Variants in ATP13A2 observed in about 807,000 individuals in gnomAD.
The protein encoded by ATP13A2 is ATPase cation transporting 13A2, also known as polyamine-transporting ATPase 13A2.
A neutral mutation model predicts 138.3 loss-of-function variants in ATP13A2; 83 were observed. That is an observed-to-expected ratio of 0.60 (90% CI 0.50 to 0.72). ATP13A2 has a LOEUF of 0.72. ATP13A2 is among the 30% of genes least tolerant of loss of function. The pLI is 0.00. For missense variants in ATP13A2, 1,402 were observed against 1,606.4 expected, an observed-to-expected ratio of 0.87 and a Z score of 2.17; for synonymous variants, 663 against 699.0, an observed-to-expected ratio of 0.95 and a Z score of 0.81.
Position 16,989,685 on chromosome 1 carries a change from A to T in ATP13A2, c.2609+6T>A. 6.2e-7 allele frequency: 1 copy of T among 1,613,966 alleles called. No homozygotes were observed. The highest frequency in any genetic ancestry group is 8.5e-7 in the Non-Finnish European group (1 of 1,179,982). ...CCCTTGCCCACACCCTCTGCCGAGC[A>T]CTCACTGAAGCTTCTGTAGCTCGCA... is the stretch of plus-strand genomic sequence containing the variant. On this transcript the variant is annotated splice_donor_region_variant and intron_variant, in intron 23 of 28. Transcript: ENST00000326735.
Position 17,000,733 on chromosome 1 carries a change from AG to A in ATP13A2, c.706-200del, listed in dbSNP as rs964068469. The A allele has an allele frequency of 6.1e-4, 414 of 675,728 alleles. No homozygotes were observed. The African/African-American group carries it at 6.7e-3, about 11-fold the overall frequency. 41.9% of individuals were successfully genotyped at this position (675,728 alleles called of 1,614,324 possible). A position where few individuals can be genotyped will look rare whatever the true frequency, so the allele number is the denominator to read the frequency against. The stretch of plus-strand genomic sequence containing the variant: ...CAGTTTCTCCGCTCTAAAGAGGACA[AG>A]GGTTTATGACCAGCCTGGGCAACAT... On this transcript the variant is annotated intron_variant, in intron 8 of 28. Transcript: ENST00000326735.
chr1:17,011,761 C>G lies in ATP13A2; in HGVS notation c.-23G>C, dbSNP rs1231411777. ...CATGCCGGCTCCTCGCGCTCATCGC[C>G]GGCCCCGGCGCTGCGGCCCTCGGCC... On this transcript the variant is annotated 5_prime_UTR_variant, in exon 1 of 29. Coordinates refer to ENST00000326735, the MANE Select transcript of ATP13A2 (RefSeq NM_022089.4). This position sits in a 1 kb window ranked among gnomAD's most constrained non-coding sequence, Gnocchi z 7.3. 1.4e-5 allele frequency: 20 copies of G among 1,442,804 alleles called. No homozygotes were observed. In the Admixed American group the frequency reaches 3.8e-4, roughly 27 times the overall value. The allele number at this position is 1,442,804 out of a possible 1,614,324, so 89.4% of individuals were successfully genotyped here.
intron 6 of ATP13A2, among the ~76,000 whole-genome samples, chr1:17,003,247 C>T (rs371854287): frequency 6.6e-6 from 1 of 152,150 alleles, no homozygotes; most frequent in East Asian, 1.9e-4. Flanking sequence ...TGGGGGTCTG[C>T]TTCTGCGGCA....
At position 17,001,820 on chromosome 1, in the gene ATP13A2, A is replaced by G. The variant is rs182843634; in HGVS notation, c.705+214T>C. ...TCCAATCCCTATGAGTGGGGCCCCAATCTGTGACCCAAGCCTTGGGCAGAA... is the reference window on the plus strand; with the variant it reads ...TCCAATCCCTATGAGTGGGGCCCCAGTCTGTGACCCAAGCCTTGGGCAGAA... On this transcript the variant is annotated intron_variant, in intron 8 of 28. Transcript: ENST00000326735. Among the ~76,000 whole-genome samples, 1,701 of 152,266 alleles carry G rather than the reference A, an allele frequency of 0.011. 51 individuals carry two copies. The highest frequency in any genetic ancestry group is 0.058 in the Admixed American group (885 of 15,294).
Position 17,000,553 on chromosome 1 carries a change from G to A in ATP13A2, c.706-19C>T, listed in dbSNP as rs751717334. On this transcript the variant is annotated intron_variant, in intron 8 of 28. Coordinates refer to ENST00000326735, the MANE Select transcript of ATP13A2 (RefSeq NM_022089.4). ...TCAGTGCCTGGGGGAGGGGCGGGAGGCAGCGTCAGGGCCGCGTCCCCCAGG... is the reference window on the plus strand; with the variant it reads ...TCAGTGCCTGGGGGAGGGGCGGGAGACAGCGTCAGGGCCGCGTCCCCCAGG... 2 of 1,610,810 alleles carry A rather than the reference G, an allele frequency of 1.2e-6. No individual in the cohort carries two copies. Among genetic ancestry groups the A allele is most frequent in the Non-Finnish European group, 1.7e-6 (2 of 1,177,796 alleles).
In ATP13A2 at chr1:17,011,648, C is replaced by T. The variant is rs1168133129; in HGVS notation, c.10+81G>A. The T allele has an allele frequency of 2.8e-6, 4 of 1,422,364 alleles. No homozygotes were observed. The highest frequency in any genetic ancestry group is 3.7e-6 in the Non-Finnish European group (4 of 1,093,536). 88.1% of individuals were successfully genotyped at this position (1,422,364 alleles called of 1,614,324 possible). ...ACCCCGCGGTGGGGGGCGTCGCCTC[C>T]CCTCTCCCTCCAAGGGGTGACGACA... On this transcript the variant is annotated intron_variant, in intron 1 of 28. Coordinates refer to ENST00000326735, the MANE Select transcript of ATP13A2 (RefSeq NM_022089.4). The surrounding 1 kb of genome is among the most constrained non-coding windows in gnomAD (Gnocchi z 7.3).
intron 12 of ATP13A2, 74 bp from the exon 13 acceptor site, chr1:16,996,570 G>A (rs1002072293): frequency 6.7e-5 from 79 of 1,183,986 alleles, no homozygotes; most frequent in Admixed American, 3.2e-4. Flanking sequence ...TAGCCCTCCC[G>A]ACCCGTGCCT....
chr1:16,993,929 T>C (rs2077025873), intron 15 of ATP13A2, 94 bp from the exon 16 acceptor site: 2 of 1,108,660 alleles, frequency 1.8e-6, no homozygotes, highest in South Asian at 3.3e-5. Flanking sequence ...GCGGACCCTA[T>C]GGGAACCCCA....
intron 25 of ATP13A2, 101 bp from the exon 26 acceptor site, chr1:16,987,370 G>A: frequency 2.7e-6 from 3 of 1,127,580 alleles, no homozygotes; most frequent in Non-Finnish European, 2.6e-6. Flanking sequence ...GGAATCTGAT[G>A]GGTAAGGCAT....
rs1017385365 is a variant in ATP13A2, at chr1:16,995,812, G to T, written c.1542+164C>A. The T allele has an allele frequency of 7.1e-6, 6 of 845,980 alleles. No individual in the cohort carries two copies. Among genetic ancestry groups the T allele is most frequent in the African/African-American group, 5.0e-5 (3 of 59,892 alleles). 52.4% of individuals were successfully genotyped at this position (845,980 alleles called of 1,614,324 possible). ...TTTCATCTGCCAGACCGTGAGCCCA[G>T]TGAGGGCAGGAGTGGGATGGGGTGG... On this transcript the variant is annotated intron_variant, in intron 15 of 28. Transcript: ENST00000326735. This position sits in a 1 kb window ranked among gnomAD's most constrained non-coding sequence, Gnocchi z 4.1.
At chr1:17,008,061 T>TTC (rs2077629335) in intron 1 of ATP13A2, among the ~76,000 whole-genome samples, 1 of 151,640 alleles carries the variant, frequency 6.6e-6, no homozygotes, top group Non-Finnish European at 1.5e-5. Flanking sequence ...TTCATTCATT[T>TTC]ATTTACTTAT....
Position 16,986,556 on chromosome 1 carries a change from C to T in ATP13A2, c.3312G>A (p.Gly1104=). Residue 1104 remains glycine (G), a synonymous_variant, in exon 28 of 29, where the codon GGG becomes GGA. Coordinates refer to ENST00000326735, the MANE Select transcript of ATP13A2 (RefSeq NM_022089.4). The surrounding 1 kb of genome is among the most constrained non-coding windows in gnomAD (Gnocchi z 6.9). ...CAGTGATGTTCCTCAGCGCCAGCGG[C>T]CCCTGCAGGAGGCCGGGGACCAGGA... ...GLVLVPGLLQ[G]PLALRNITDT... 2.5e-6 allele frequency: 4 copies of T among 1,612,382 alleles called. No individual in the cohort carries two copies. Among genetic ancestry groups the T allele is most frequent in the Non-Finnish European group, 3.4e-6 (4 of 1,179,828 alleles).
chr1:16,992,908 CATT>C (rs1369541415), intron 16 of ATP13A2, among the ~76,000 whole-genome samples: 1 of 152,186 alleles, frequency 6.6e-6, no homozygotes, highest in East Asian at 1.9e-4. Context: ...GAGGCCTTGC[CATT>C]ATTATTATGT....
Position 16,986,304 on chromosome 1 carries a change from C to A in ATP13A2, c.3460G>T (p.Ala1154Ser). The change falls in exon 29 of 29, where the codon GCC (alanine) becomes TCC (serine). Residue 1154 changes from alanine (A) to serine (S), a missense_variant. Physicochemically the swap from Ala to Ser is moderately conservative, Grantham distance 99. Transcript: ENST00000326735. The surrounding 1 kb of genome is among the most constrained non-coding windows in gnomAD (Gnocchi z 6.9). ...AGCTGCTTGAAGCGCTTCTTGGAGG[C>A]CCGCTTGGGCCGGAGGCGGCGCAGG... ...ACLRRLRPKRASKKRFKQLER... is the reference protein window; with the variant it reads ...ACLRRLRPKRSSKKRFKQLER... The A allele has an allele frequency of 6.3e-7, 1 of 1,594,578 alleles. No individual in the cohort carries two copies. The highest frequency in any genetic ancestry group is 1.1e-5 in the South Asian group (1 of 88,530).
Position 17,000,494 on chromosome 1 carries a change from G to A in ATP13A2, c.746C>T (p.Ala249Val), listed in dbSNP as rs145515028. Residue 249 changes from alanine (A) to valine (V), a missense_variant, in exon 9 of 29, where the codon GCG becomes GTG. By Grantham distance (64) the Ala-to-Val change is moderately conservative (BLOSUM62 0). Transcript: ENST00000326735. ...PYYGFQAFSI[A>V]LWLADHYYWY... ...GTAGTAGTGGTCAGCCAGCCACAGC[G>A]CGATGCTGAAGGCCTGGAACCCATA... The A allele has an allele frequency of 4.3e-4, 693 of 1,614,098 alleles. 1 individual carries two copies. Among genetic ancestry groups the A allele is most frequent in the Middle Eastern group, 2.6e-3 (16 of 6,062 alleles).
rs1013290831 is a variant in ATP13A2, at chr1:17,000,305, T to C, written c.848A>G (p.Gln283Arg). Residue 283 changes from glutamine to arginine, a missense_variant, in exon 10 of 29, where the codon CAG (glutamine) becomes CGG (arginine). Transcript: ENST00000326735. ...CAACTTGACCATGTCCCTTAGAGTC[T>C]GGCTTTGCTGTGGGCAGGGGACAAG... Reference protein sequence around the residue: ...LSLYKTRKQSQTLRDMVKLSM... With the variant: ...LSLYKTRKQSRTLRDMVKLSM... 3.2e-6 allele frequency: 5 copies of C among 1,581,360 alleles called. No homozygotes were observed. The highest frequency in any genetic ancestry group is 1.3e-5 in the African/African-American group (1 of 74,316).
At chr1:17,003,585 C>CCACACACACACACACA (rs540533484) in intron 6 of ATP13A2, among the ~76,000 whole-genome samples, 19 of 132,988 alleles carry the variant, frequency 1.4e-4, no homozygotes, top group Non-Finnish European at 2.0e-4. Flanking sequence ...ACCAAAAAAA[C>CCACACACACACACACA]CACACACACA....
At chr1:16,998,995 G>A (rs901504892) in intron 11 of ATP13A2, among the ~76,000 whole-genome samples, 22 of 152,082 alleles carry the variant, frequency 1.4e-4, no homozygotes, top group Non-Finnish European at 2.6e-4. Flanking sequence ...GTAGTGAATG[G>A]GGACCGCAGT....
chr1:16,998,635 C>T (rs1176691795), intron 11 of ATP13A2, among the ~76,000 whole-genome samples: 2 of 152,108 alleles, frequency 1.3e-5, no homozygotes, highest in Non-Finnish European at 2.9e-5. Flanking sequence ...GAAAGAAATA[C>T]TTGCACACAT....
Sources: gnomAD v4.1 joint callset for allele counts (sites outside exome capture counted in the v4.1 genomes callset) on GRCh38, gnomAD v4.1.1 for gene constraint, Gnocchi (gnomAD v3.1) non-coding constraint, MANE v1.5 for transcripts, NCBI Gene and HGNC (gene_info 2026-07-23, HGNC 2026-07-21) for gene names.